HOXA10: variants seen among roughly 807,000 people sequenced by gnomAD.
The protein encoded by HOXA10 is homeobox A10.
A neutral mutation model predicts 29.7 loss-of-function variants in HOXA10; 12 were observed. The observed-to-expected ratio is 0.40, with a 90% CI of 0.26 to 0.65. The LOEUF is 0.65. Ranked by LOEUF, HOXA10 falls within the 30% of genes least tolerant of loss-of-function variation. The pLI is 0.37. For missense variants in HOXA10, 656 were observed against 585.9 expected (o/e 1.12, Z -1.24); for synonymous variants, 327 against 280.7 (o/e 1.16, Z -1.65).
chr7:27,174,316 A>G lies in HOXA10; in HGVS notation c.-10T>C. On this transcript the variant is annotated 5_prime_UTR_variant, in exon 1 of 2. Transcript: ENST00000283921. ...CCTTTCTGGCTGACATTTCTTGTGC[A>G]AAACATGCTGAATACGATTAGCAAT... The G allele has an allele frequency of 1.3e-6, 2 of 1,597,850 alleles. No individual in the cohort carries two copies. Among genetic ancestry groups the G allele is most frequent in the Non-Finnish European group, 1.7e-6 (2 of 1,179,738 alleles).
chr7:27,177,972 A>G (rs1258637307), upstream of HOXA10, among the ~76,000 whole-genome samples: 37 of 152,356 alleles, frequency 2.4e-4, no homozygotes, highest in Non-Finnish European at 5.9e-5. Context: ...CACCAGGCCC[A>G]TGGATTAAGG....
At chr7:27,176,095 GTAAGGACTGAGCA>G (rs1783651207), upstream of HOXA10, among the ~76,000 whole-genome samples, 1 of 152,228 alleles carries the variant, frequency 6.6e-6, no homozygotes, top group African/African-American at 2.4e-5. Flanking sequence ...TGACCCGGCC[GTAAGGACTGAGCA>G]TCAGGGTGCG....
Position 27,174,147 on chromosome 7 carries a change from C to T in HOXA10, c.160G>A (p.Gly54Ser), listed in dbSNP as rs965322614. ...GGGGGAGGGG[G>S]GGYYAHGGVY... is the part of the protein sequence containing the mutation. ...CCGCCGTGGGCGTAGTAACCGCCAC[C>T]GCCGCCGCCCCCCGCGCCACCACCA... The change falls in exon 1 of 2, where the codon GGT (glycine) becomes AGT (serine). Residue 54 changes from glycine (G) to serine (S), a missense_variant. This residue lies in a region of HOXA10 where 594 missense variants were observed against 491.9 expected (regional missense o/e 1.21). Coordinates refer to ENST00000283921, the MANE Select transcript of HOXA10 (RefSeq NM_018951.4). 2.5e-6 allele frequency: 4 copies of T among 1,595,618 alleles called. No homozygotes were observed. The highest frequency in any genetic ancestry group is 3.4e-6 in the Non-Finnish European group (4 of 1,178,640).
At chr7:27,177,030 C>T (rs779736917), upstream of HOXA10, among the ~76,000 whole-genome samples, 1 of 152,218 alleles carries the variant, frequency 6.6e-6, no homozygotes, top group Non-Finnish European at 1.5e-5. Context: ...TGCCCTGCAG[C>T]AGACAGCTCA....
Position 27,171,463 on chromosome 7 carries a change from C to T in HOXA10, c.*436G>A, listed in dbSNP as rs1327063408. 1 of 457,530 alleles carries T rather than the reference C, an allele frequency of 2.2e-6. No homozygotes were observed. Among genetic ancestry groups the T allele is most frequent in the African/African-American group, 2.0e-5 (1 of 50,262 alleles). The allele number at this position is 457,530 out of a possible 1,614,324, so 28.3% of individuals were successfully genotyped here. A position where few individuals can be genotyped will look rare whatever the true frequency, so the allele number is the denominator to read the frequency against. ...CAGGCAGACATGCCCGGTGGCGGCT[C>T]CTTTGCACCATTGACCTCAGGCCAG... On this transcript the variant is annotated 3_prime_UTR_variant, in exon 2 of 2. Transcript: ENST00000283921.
At chr7:27,172,433 T>C (rs1783522436) in intron 1 of HOXA10, 2 of 551,752 alleles carry the variant, frequency 3.6e-6, no homozygotes, top group Middle Eastern at 4.8e-4. Context: ...CGCTAAGCCG[T>C]AGATGCTTGC....
In HOXA10 at chr7:27,173,534, G is replaced by C. The variant is rs778813394; in HGVS notation, c.773C>G (p.Ser258Cys). ...CTTCCGGGCCGCATCGGCCGAGCCG[G>C]AGGCTAGCGCGGGCGGGAGATCGAA... ...RGFDLPPALA[S>C]GSADAARKER... Residue 258 changes from serine to cysteine, a missense_variant, in exon 1 of 2, where the codon TCC becomes TGC. By Grantham distance (112) the Ser-to-Cys change is moderately radical. Coordinates refer to ENST00000283921, the MANE Select transcript of HOXA10 (RefSeq NM_018951.4). The C allele has an allele frequency of 2.1e-6, 3 of 1,456,046 alleles. No individual in the cohort carries two copies. Among genetic ancestry groups the C allele is most frequent in the Non-Finnish European group, 2.7e-6 (3 of 1,113,070 alleles). 90.2% of individuals were successfully genotyped at this position (1,456,046 alleles called of 1,614,324 possible).
rs1401536249 is a variant in HOXA10, at chr7:27,171,286, T to G, written c.*613A>C. On this transcript the variant is annotated 3_prime_UTR_variant, in exon 2 of 2. Transcript: ENST00000283921. The stretch of plus-strand genomic sequence containing the variant: ...AAGGAAAAATTAACCTTTTTTACTT[T>G]CTTTCTCACTTTTTAAATCAGCCAA... 6.6e-6 allele frequency: 3 copies of G among 454,188 alleles called. No individual in the cohort carries two copies. The highest frequency in any genetic ancestry group is 8.8e-6 in the Non-Finnish European group (2 of 226,794). 28.1% of individuals were successfully genotyped at this position (454,188 alleles called of 1,614,324 possible).
Position 27,171,471 on chromosome 7 carries a change from C to A in HOXA10, c.*428G>T, listed in dbSNP as rs999945112. 1 of 458,018 alleles carries A rather than the reference C, an allele frequency of 2.2e-6. No individual in the cohort carries two copies. The highest frequency in any genetic ancestry group is 4.4e-6 in the Non-Finnish European group (1 of 229,268). 28.4% of individuals were successfully genotyped at this position (458,018 alleles called of 1,614,324 possible). On this transcript the variant is annotated 3_prime_UTR_variant, in exon 2 of 2. Coordinates refer to ENST00000283921, the MANE Select transcript of HOXA10 (RefSeq NM_018951.4). ...CATGCCCGGTGGCGGCTCCTTTGCA[C>A]CATTGACCTCAGGCCAGACACCTCA...
At chr7:27,174,755 C>G (rs11974108), upstream of HOXA10, 1,535 of 168,320 alleles carry the variant, frequency 9.1e-3, 25 homozygotes, top group African/African-American at 0.035. Flanking sequence ...ACCACTGAAG[C>G]GGCCGTGTCG....
At chr7:27,175,095 G>A (rs956433831), upstream of HOXA10, 4 of 152,250 alleles carry the variant, frequency 2.6e-5, no homozygotes, top group African/African-American at 9.7e-5. Flanking sequence ...TGGCGGGACT[G>A]GGGGTGGGAA....
rs949689370 is a variant in HOXA10 at position 27,171,742 on chromosome 7, A to C, written c.*157T>G. 2 of 817,470 alleles carry C rather than the reference A, an allele frequency of 2.4e-6. No individual in the cohort carries two copies. Among genetic ancestry groups the C allele is most frequent in the Non-Finnish European group, 4.3e-6 (2 of 459,980 alleles). 50.6% of individuals were successfully genotyped at this position (817,470 alleles called of 1,614,324 possible). Reference sequence around the variant, plus strand: ...ACACAAAGAAACAAAAAGTCAGAACAAACCAGCCCTGCACAGATGTAACGG... The same window carrying C: ...ACACAAAGAAACAAAAAGTCAGAACCAACCAGCCCTGCACAGATGTAACGG... On this transcript the variant is annotated 3_prime_UTR_variant, in exon 2 of 2. Coordinates refer to ENST00000283921, the MANE Select transcript of HOXA10 (RefSeq NM_018951.4).
chr7:27,177,993 G>C (rs1039744574), upstream of HOXA10, among the ~76,000 whole-genome samples: 21 of 152,236 alleles, frequency 1.4e-4, no homozygotes, highest in Admixed American at 7.8e-4. Flanking sequence ...CCTTCGGCAA[G>C]GATTAGGCTG....
chr7:27,172,056 A>C lies in HOXA10; in HGVS notation c.1076T>G (p.Met359Arg), dbSNP rs1783509119. The change falls in exon 2 of 2, where the codon ATG becomes AGG. Residue 359 changes from methionine to arginine, a missense_variant. Met to Arg is a moderately conservative substitution (Grantham distance 91). Coordinates refer to ENST00000283921, the MANE Select transcript of HOXA10 (RefSeq NM_018951.4). ...LELEKEFLFN[M>R]YLTRERRLEI... ...TAGGCGCCGCTCTCGAGTAAGGTAC[A>C]TATTGAACAGAAACTCCTTCTCCAG... The C allele has an allele frequency of 1.2e-6, 2 of 1,614,150 alleles. No individual in the cohort carries two copies. The highest frequency in any genetic ancestry group is 2.7e-5 in the African/African-American group (2 of 75,030).
exon 1 of HOXA10, chr7:27,179,844 A>G: frequency 2.9e-6 from 2 of 694,470 alleles, no homozygotes; most frequent in East Asian, 2.7e-5. Flanking sequence ...GAAGCGAACA[A>G]AGGCCAAGAA....
upstream of HOXA10, among the ~76,000 whole-genome samples, chr7:27,178,971 C>T (rs564290084): frequency 5.9e-5 from 9 of 152,214 alleles, no homozygotes; most frequent in East Asian, 1.9e-4. Context: ...TTTACCAATA[C>T]ATTTTTGCAT....
In HOXA10 at chr7:27,173,455, C is replaced by T. The variant is rs1453434187; in HGVS notation, c.852G>A (p.Gly284=). ...PPPTLACGSG[G]GSQGDEEAHA... ...GCGCCTCCTCGTCGCCCTGCGAGCC[C>T]CCGCCGCTGCCGCAAGCCAGCGTGG... The change falls in exon 1 of 2, where the codon GGG becomes GGA. Residue 284 remains glycine (G), a synonymous_variant. Coordinates refer to ENST00000283921, the MANE Select transcript of HOXA10 (RefSeq NM_018951.4). 1.9e-6 allele frequency: 3 copies of T among 1,576,922 alleles called. No homozygotes were observed. The highest frequency in any genetic ancestry group is 2.3e-5 in the South Asian group (2 of 88,030).
chr7:27,172,759 G>A (rs1032897069), intron 1 of HOXA10: 10 of 166,456 alleles, frequency 6.0e-5, no homozygotes, highest in African/African-American at 2.4e-4. Flanking sequence ...TCCAGGGGAA[G>A]GGAAATGGCC....
At chr7:27,177,924 C>A (rs1323444806), upstream of HOXA10, among the ~76,000 whole-genome samples, 2 of 152,180 alleles carry the variant, frequency 1.3e-5, no homozygotes, top group African/African-American at 4.8e-5. Context: ...CATTTCTACC[C>A]GGGTAATAAC....
Sources: gnomAD v4.1 joint callset for allele counts (sites outside exome capture counted in the v4.1 genomes callset) on GRCh38, gnomAD v4.1.1 for gene constraint, gnomAD v4.1.1 regional missense constraint, MANE v1.5 for transcripts, NCBI Gene and HGNC (gene_info 2026-07-23, HGNC 2026-07-21) for gene names.